CCDC7: variants seen among roughly 807,000 people sequenced by gnomAD.
The protein encoded by CCDC7 is coiled-coil domain-containing protein 7.
Under a neutral mutation model 196.9 loss-of-function variants are expected in CCDC7, and 183 were observed. The observed-to-expected ratio is 0.93, with a 90% confidence interval of 0.82 to 1.05. The LOEUF is 1.05. Ranked by LOEUF, CCDC7 falls within the 50% of genes least tolerant of loss-of-function variation. The probability of loss-of-function intolerance (pLI) is 0.00; values close to 1 mark genes in which losing one functional copy is unlikely to be tolerated. For missense variants in CCDC7, 1,540 were observed against 1,482.2 expected (o/e 1.04, Z -0.64); for synonymous variants, 525 against 484.6 (o/e 1.08, Z -1.10).
chr10:32,827,304 G>C (rs1181188534), intron 32 of CCDC7, among the ~76,000 whole-genome samples: 1 of 152,196 alleles, frequency 6.6e-6, no homozygotes, highest in Non-Finnish European at 1.5e-5. Context: ...GACTAACACT[G>C]AGCCCTCTAT....
intron 25 of CCDC7, among the ~76,000 whole-genome samples, chr10:32,721,685 G>T (rs943037645): frequency 6.6e-6 from 1 of 152,076 alleles, no homozygotes; most frequent in Non-Finnish European, 1.5e-5. Context: ...CCCCTTTCTA[G>T]ATCATACCCT....
At chr10:32,666,545 G>A (rs2072780631) in intron 21 of CCDC7, among the ~76,000 whole-genome samples, 1 of 124,136 alleles carries the variant, frequency 8.1e-6, no homozygotes, top group African/African-American at 3.2e-5. Flanking sequence ...CCCCATGATA[G>A]GCCCCAGTGT....
intron 25 of CCDC7, among the ~76,000 whole-genome samples, chr10:32,717,321 C>T (rs1297504387): frequency 6.6e-6 from 1 of 152,158 alleles, no homozygotes; most frequent in Non-Finnish European, 1.5e-5. Flanking sequence ...TAAGTGAATT[C>T]TTTGAAACCA....
intron 9 of CCDC7, among the ~76,000 whole-genome samples, chr10:32,492,606 T>C (rs2042321451): frequency 6.6e-6 from 1 of 152,118 alleles, no homozygotes; most frequent in Non-Finnish European, 1.5e-5. Context: ...AATGCAATTA[T>C]TCCTCTTACA....
At chr10:32,491,991 T>G (rs1357825926) in exon 9 of CCDC7, 1 of 1,565,578 alleles carries the variant, frequency 6.4e-7, no homozygotes, top group Admixed American at 2.0e-5. Flanking sequence ...GCAAATATGT[T>G]GGAGAGGTAA....
chr10:32,711,172 A>G (rs763731814), intron 24 of CCDC7, among the ~76,000 whole-genome samples: 18 of 151,728 alleles, frequency 1.2e-4, no homozygotes, highest in Non-Finnish European at 2.1e-4. Context: ...ATACATGTAT[A>G]TATGCATGTG....
At chr10:32,779,161 A>G (rs2080619845) in intron 29 of CCDC7, 77 bp downstream of exon 30, 2 of 1,094,802 alleles carry the variant, frequency 1.8e-6, no homozygotes, top group East Asian at 5.5e-5. Context: ...AGTTCTGTTA[A>G]AAAACAGGAA....
intron 21 of CCDC7, among the ~76,000 whole-genome samples, chr10:32,676,452 A>T (rs932999541): frequency 6.6e-6 from 1 of 150,866 alleles, no homozygotes; most frequent in Admixed American, 6.6e-5. Flanking sequence ...ATGGGAGAAA[A>T]TTTTCGCAAC....
At chr10:32,532,238 A>G (rs1217695429) in intron 11 of CCDC7, among the ~76,000 whole-genome samples, 1 of 151,674 alleles carries the variant, frequency 6.6e-6, no homozygotes. Flanking sequence ...TTGTATTCCC[A>G]TTTTCATTTG....
At chr10:32,612,601 C>T (rs1274640042) in intron 18 of CCDC7, among the ~76,000 whole-genome samples, 1 of 152,064 alleles carries the variant, frequency 6.6e-6, no homozygotes, top group Non-Finnish European at 1.5e-5. Context: ...CCATCCATAC[C>T]TAGTTTATTA....
intron 28 of CCDC7, among the ~76,000 whole-genome samples, chr10:32,760,091 A>G: frequency 6.6e-6 from 1 of 152,184 alleles, no homozygotes; most frequent in East Asian, 1.9e-4. Context: ...AAAGTCAGCA[A>G]ACAACAGGTG....
chr10:32,769,713 T>C (rs989263872), intron 28 of CCDC7, among the ~76,000 whole-genome samples: 4 of 151,708 alleles, frequency 2.6e-5, no homozygotes, highest in Non-Finnish European at 4.4e-5. Flanking sequence ...CTCCCACTTA[T>C]GAGTGAGAAC....
At chr10:32,533,114 A>G (rs1364393174) in intron 11 of CCDC7, among the ~76,000 whole-genome samples, 1 of 151,980 alleles carries the variant, frequency 6.6e-6, no homozygotes, top group Non-Finnish European at 1.5e-5. Flanking sequence ...TTTGACTTTT[A>G]GTGAATCTAT....
At chr10:32,860,408 G>A (rs182894561) in intron 41 of CCDC7, among the ~76,000 whole-genome samples, 1 of 152,262 alleles carries the variant, frequency 6.6e-6, no homozygotes, top group Non-Finnish European at 1.5e-5. Context: ...TTGATGGAAT[G>A]TATGTCAAAA....
intron 25 of CCDC7, among the ~76,000 whole-genome samples, chr10:32,715,590 TAAC>T: frequency 6.6e-6 from 1 of 152,138 alleles, no homozygotes; most frequent in East Asian, 1.9e-4. Flanking sequence ...AGGTGGGTAA[TAAC>T]AAACTCCTCT....
At chr10:32,715,946 C>T (rs1441013116) in intron 25 of CCDC7, among the ~76,000 whole-genome samples, 2 of 152,066 alleles carry the variant, frequency 1.3e-5, no homozygotes, top group South Asian at 2.1e-4. Flanking sequence ...CTGAAAGAGA[C>T]GGGGAGAATG....
intron 11 of CCDC7, among the ~76,000 whole-genome samples, chr10:32,534,401 A>T (rs138508716): frequency 0.039 from 5,894 of 152,142 alleles, 122 homozygotes; most frequent in Middle Eastern, 0.051. Context: ...TGTTATGGTC[A>T]GTCATGGTGT....
intron 20 of CCDC7, among the ~76,000 whole-genome samples, chr10:32,653,532 C>G (rs936308422): frequency 2.0e-5 from 3 of 152,138 alleles, no homozygotes; most frequent in Admixed American, 6.5e-5. Flanking sequence ...CACCTGATTC[C>G]TTTAGTTCTT....
chr10:32,711,637 G>A lies in CCDC7; in HGVS notation c.2476G>A (p.Gly826Ser), dbSNP rs138341099. The A allele has an allele frequency of 6.1e-5, 97 of 1,586,896 alleles. No homozygotes were observed. In the African/African-American group the frequency reaches 1.1e-3, roughly 17 times the overall value. ...TAACATAGCTCATGATGAAGAATCA[G>A]GTGAAAATCCTATGCTTAAACATCA... is the stretch of plus-strand genomic sequence containing the variant. The change falls in exon 25 of 42, where the codon GGT becomes AGT. Residue 826 changes from glycine (G) to serine (S), a missense_variant. By Grantham distance (56) the Gly-to-Ser change is moderately conservative. Transcript: ENST00000639629.
Sources: gnomAD v4.1 joint callset for allele counts (sites outside exome capture counted in the v4.1 genomes callset) on GRCh38, gnomAD v4.1.1 for gene constraint, MANE v1.5 for transcripts, NCBI Gene and HGNC (gene_info 2026-07-23, HGNC 2026-07-21) for gene names.